The following CDH11 variants were observed in gnomAD, a reference collection of about 807,000 sequenced individuals.
CDH11 encodes the protein cadherin 11.
Under a neutral mutation model 67.8 loss-of-function variants are expected in CDH11, and 11 were observed. That is an observed-to-expected ratio of 0.16 (90% confidence interval 0.10 to 0.27). The LOEUF is 0.27. Ranked by LOEUF, CDH11 falls within the 10% of genes least tolerant of loss-of-function variation. The probability of loss-of-function intolerance (pLI) is 1.00; values close to 1 mark genes in which losing one functional copy is unlikely to be tolerated. For missense variants in CDH11, 847 were observed against 1,031.2 expected (o/e 0.82, Z 2.45); for synonymous variants, 419 against 400.0 (o/e 1.05, Z -0.57).
At chr16:65,120,339 C>CA (rs2075304540) in intron 1 of CDH11, among the ~76,000 whole-genome samples, 1 of 152,174 alleles carries the variant, frequency 6.6e-6, no homozygotes, top group South Asian at 2.1e-4. Context: ...AGACACCCCG[C>CA]AAAACCATCG....
chr16:64,950,883 C>T lies in CDH11; in HGVS notation c.1778G>A (p.Cys593Tyr), dbSNP rs190708518. The T allele has an allele frequency of 6.2e-7, 1 of 1,614,234 alleles. No homozygotes were observed. The highest frequency in any genetic ancestry group is 1.7e-5 in the Admixed American group (1 of 60,028). The change falls in exon 12 of 13, where the codon TGC becomes TAC. Residue 593 changes from cysteine (C) to tyrosine (Y), a missense_variant. By Grantham distance (194) the Cys-to-Tyr change is radical. Transcript: ENST00000268603. ...CAGTGCCCCGTTCACGTCGCACCCG[C>T]AGACTTTGATGGTGAGGGTGTTGGT... The part of the protein sequence containing the change: ...SSTNTLTIKV[C>Y]GCDVNGALLS...
intron 2 of CDH11, among the ~76,000 whole-genome samples, chr16:65,029,939 C>A (rs1465272894): frequency 6.6e-6 from 1 of 152,126 alleles, no homozygotes; most frequent in African/African-American, 2.4e-5. Flanking sequence ...TAGCTAATTT[C>A]TCTTGAGTTA....
In CDH11 at chr16:65,121,835, GAAGC is replaced by G. The variant is rs1215093511; in HGVS notation, c.-298+41_-298+44del. ...GAGAAAATCCTGCCCCCCATTCCAA[GAAGC>G]CCCAACCAGGCGAGAGGAAGGGACT... On this transcript the variant is annotated intron_variant, in intron 1 of 12. Coordinates refer to ENST00000268603, the MANE Select transcript of CDH11 (RefSeq NM_001797.4). The surrounding 1 kb of genome is among the most constrained non-coding windows in gnomAD (Gnocchi z 4.1). 4.3e-6 allele frequency: 3 copies of G among 700,436 alleles called. No homozygotes were observed. Among genetic ancestry groups the G allele is most frequent in the Non-Finnish European group, 7.8e-6 (3 of 384,124 alleles). The allele number at this position is 700,436 out of a possible 1,614,324, so 43.4% of individuals were successfully genotyped here. A position where few individuals can be genotyped will look rare whatever the true frequency, so the allele number is the denominator to read the frequency against.
Position 64,992,951 on chromosome 16 carries a change from C to T in CDH11, c.607G>A (p.Glu203Lys), listed in dbSNP as rs760693169. The change falls in exon 5 of 13, where the codon GAA becomes AAA. Residue 203 changes from glutamate to lysine, a missense_variant. Physicochemically the swap from Glu to Lys is moderately conservative, Grantham distance 56. This residue lies in a region of CDH11 where 235 missense variants were observed against 352.5 expected (regional missense o/e 0.67). Coordinates refer to ENST00000268603, the MANE Select transcript of CDH11 (RefSeq NM_001797.4). Reference sequence around the variant, plus strand: ...TCCACCGAAAAATAGGGTTGTCCTTCGAGGATACTGTACACTAACTTGGCG... The same window carrying T: ...TCCACCGAAAAATAGGGTTGTCCTTTGAGGATACTGTACACTAACTTGGCG... ...NSAKLVYSIL[E>K]GQPYFSVEAQ... 6 of 1,612,910 alleles carry T rather than the reference C, an allele frequency of 3.7e-6. No homozygotes were observed. The highest frequency in any genetic ancestry group is 3.3e-5 in the Admixed American group (2 of 59,982).
At chr16:65,074,968 T>TAC (rs766463472) in intron 1 of CDH11, among the ~76,000 whole-genome samples, 3 of 152,098 alleles carry the variant, frequency 2.0e-5, no homozygotes, top group South Asian at 2.1e-4. Context: ...CATGCGCACA[T>TAC]ACACACACAC....
At chr16:65,049,457 A>C (rs1286466141) in intron 2 of CDH11, among the ~76,000 whole-genome samples, 1 of 152,164 alleles carries the variant, frequency 6.6e-6, no homozygotes, top group Admixed American at 6.5e-5. Context: ...TCTATGAAAG[A>C]ATCATGACCC....
At chr16:64,961,979 T>A (rs757219325) in intron 11 of CDH11, among the ~76,000 whole-genome samples, 11 of 152,176 alleles carry the variant, frequency 7.2e-5, no homozygotes, top group Non-Finnish European at 1.5e-4. Context: ...AAGAACTAAT[T>A]TCCCTATTAA....
At position 64,998,621 on chromosome 16, in the gene CDH11, T is replaced by C; in HGVS notation, c.464A>G (p.Asn155Ser). The change falls in exon 4 of 13, where the codon AAC (asparagine) becomes AGC (serine). Residue 155 changes from asparagine to serine, a missense_variant. Coordinates refer to ENST00000268603, the MANE Select transcript of CDH11 (RefSeq NM_001797.4). ...FIVKVQDIND[N>S]PPEFLHETYH... Reference sequence around the variant, plus strand: ...GGTCTCGTGCAGGAACTCCGGAGGGTTGTCATTAATGTCCTGGACCTTGAC... The same window carrying C: ...GGTCTCGTGCAGGAACTCCGGAGGGCTGTCATTAATGTCCTGGACCTTGAC... 1 of 1,613,682 alleles carries C rather than the reference T, an allele frequency of 6.2e-7. No individual in the cohort carries two copies. Among genetic ancestry groups the C allele is most frequent in the Non-Finnish European group, 8.5e-7 (1 of 1,179,952 alleles).
chr16:65,060,007 G>A (rs1007077365), intron 1 of CDH11, among the ~76,000 whole-genome samples: 2 of 152,142 alleles, frequency 1.3e-5, no homozygotes, highest in African/African-American at 4.8e-5. Flanking sequence ...TGAGGTACTA[G>A]AAGCTCCAGT....
intron 1 of CDH11, among the ~76,000 whole-genome samples, chr16:65,087,500 A>G (rs752124665): frequency 7.9e-5 from 12 of 152,216 alleles, no homozygotes; most frequent in African/African-American, 1.4e-4. Context: ...TGCAGGGAGC[A>G]AATTCCTTGC....
Position 64,946,900 on chromosome 16 carries a change from A to G in CDH11, c.*703T>C. On this transcript the variant is annotated 3_prime_UTR_variant, in exon 13 of 13. Transcript: ENST00000268603. ...CCGTAACATTTTCTTACATGTCAGAATACTGATATTTATACGTATACTAAA... is the reference window on the plus strand; with the variant it reads ...CCGTAACATTTTCTTACATGTCAGAGTACTGATATTTATACGTATACTAAA... The G allele has an allele frequency of 1.2e-6, 1 of 810,062 alleles. No individual in the cohort carries two copies. The highest frequency in any genetic ancestry group is 1.5e-6 in the Non-Finnish European group (1 of 658,640). The allele number at this position is 810,062 out of a possible 1,614,324, so 50.2% of individuals were successfully genotyped here.
intron 4 of CDH11, among the ~76,000 whole-genome samples, chr16:64,996,829 G>A (rs975882669): frequency 1.3e-5 from 2 of 152,024 alleles, no homozygotes; most frequent in African/African-American, 4.8e-5. Flanking sequence ...TATAACTGGA[G>A]GTATAAATGA....
chr16:65,087,692 T>C (rs2074724047), intron 1 of CDH11, among the ~76,000 whole-genome samples: 1 of 152,142 alleles, frequency 6.6e-6, no homozygotes, highest in Admixed American at 6.5e-5. Context: ...AAATGAAATG[T>C]TAATGAATTT....
chr16:65,043,054 A>G (rs1044237257), intron 2 of CDH11, among the ~76,000 whole-genome samples: 20 of 152,212 alleles, frequency 1.3e-4, no homozygotes, highest in African/African-American at 4.8e-4. Flanking sequence ...GAATGCTCTG[A>G]AAGTTGCATA....
intron 11 of CDH11, among the ~76,000 whole-genome samples, chr16:64,958,393 CTTA>C (rs2071577060): frequency 8.2e-6 from 1 of 122,610 alleles, no homozygotes; most frequent in Non-Finnish European, 1.8e-5. Context: ...ATCTTGCTAT[CTTA>C]TTATTCTGTT....
intron 1 of CDH11, among the ~76,000 whole-genome samples, chr16:65,083,432 G>A (rs992608716): frequency 2.6e-4 from 40 of 152,228 alleles, no homozygotes; most frequent in Non-Finnish European, 4.6e-4. Context: ...TGGGCCAGGA[G>A]GGCCACACTG....
chr16:65,082,736 G>A (rs1170453060), intron 1 of CDH11, among the ~76,000 whole-genome samples: 2 of 152,228 alleles, frequency 1.3e-5, no homozygotes, highest in Admixed American at 1.3e-4. Flanking sequence ...CTGAGTTTAA[G>A]TGCAGAGTCA....
chr16:65,087,584 G>A (rs2074722251), intron 1 of CDH11, among the ~76,000 whole-genome samples: 1 of 152,132 alleles, frequency 6.6e-6, no homozygotes, highest in Non-Finnish European at 1.5e-5. Context: ...TGTGGAGAAG[G>A]AGATTTATGT....
At chr16:65,036,598 G>C in intron 2 of CDH11, among the ~76,000 whole-genome samples, 1 of 152,082 alleles carries the variant, frequency 6.6e-6, no homozygotes, top group South Asian at 2.1e-4. Flanking sequence ...CCCATGTAAA[G>C]GGGCCTGTTC....
Sources: gnomAD v4.1 joint callset for allele counts (sites outside exome capture counted in the v4.1 genomes callset) on GRCh38, gnomAD v4.1.1 for gene constraint, gnomAD v4.1.1 regional missense constraint, Gnocchi (gnomAD v3.1) non-coding constraint, MANE v1.5 for transcripts, NCBI Gene and HGNC (gene_info 2026-07-23, HGNC 2026-07-21) for gene names.